Variants in ARHGAP8 observed in about 807,000 individuals in gnomAD.
ARHGAP8 encodes rho GTPase-activating protein 8.
In ARHGAP8, 62 loss-of-function variants were observed where a neutral mutation model predicts 46.1. The ratio of observed to expected loss-of-function variants is 1.34; its 90% confidence interval spans 1.10 to 1.66. The LOEUF (loss-of-function observed/expected upper bound fraction) is 1.66. ARHGAP8 is among the 40% of genes most tolerant of loss of function. The pLI is 0.00. For synonymous variants in ARHGAP8, 375 were observed against 243.1 expected, an observed-to-expected ratio of 1.54 and a Z score of -5.05; for missense variants, 923 against 568.4, an observed-to-expected ratio of 1.62 and a Z score of -6.34.
intron 10 of ARHGAP8, among the ~76,000 whole-genome samples, chr22:44,858,807 A>C (rs2070325398): frequency 6.6e-6 from 1 of 150,928 alleles, no homozygotes; most frequent in Non-Finnish European, 1.5e-5. Flanking sequence ...AAGAGCAACA[A>C]AGTGTGGGCG....
chr22:44,829,157 G>A (rs1277026119), intron 7 of ARHGAP8, among the ~76,000 whole-genome samples: 1 of 145,016 alleles, frequency 6.9e-6, no homozygotes, highest in African/African-American at 2.5e-5. Flanking sequence ...TGGGCATGGT[G>A]TCACACACCT....
intron 7 of ARHGAP8, among the ~76,000 whole-genome samples, chr22:44,831,949 T>G (rs1456147464): frequency 1.3e-5 from 2 of 152,202 alleles, no homozygotes; most frequent in Non-Finnish European, 2.9e-5. Flanking sequence ...CTGCATCTCT[T>G]TAATTTCCAT....
chr22:44,850,370 C>G (rs6006891), intron 10 of ARHGAP8: 44,134 of 151,976 alleles, frequency 0.29, 8,112 homozygotes, highest in African/African-American at 0.52. Flanking sequence ...CATAGAGGTA[C>G]CTATCTGGTG....
intron 2 of ARHGAP8, among the ~76,000 whole-genome samples, chr22:44,793,546 C>T (rs2147062994): frequency 6.6e-6 from 1 of 152,314 alleles, no homozygotes; most frequent in East Asian, 1.9e-4. Flanking sequence ...AAAACCATAG[C>T]AAACTTGCGA....
intron 7 of ARHGAP8, among the ~76,000 whole-genome samples, chr22:44,829,712 TG>T (rs1335941269): frequency 5.3e-5 from 8 of 150,956 alleles, no homozygotes; most frequent in African/African-American, 1.9e-4. Context: ...ATATGTAATT[TG>T]TTTGGACTAT....
intron 1 of ARHGAP8, among the ~76,000 whole-genome samples, chr22:44,774,518 ATTT>A (rs132473): frequency 4.2e-5 from 5 of 119,490 alleles, no homozygotes; most frequent in Non-Finnish European, 6.9e-5. Context: ...TCTTTGGGAG[ATTT>A]TTTTTTTTTT....
Position 44,862,641 on chromosome 22 carries a change from T to C in ARHGAP8, c.*46T>C. On this transcript the variant is annotated 3_prime_UTR_variant, in exon 12 of 12. Transcript: ENST00000356099. ...TTTCGAGCTACCTCCCACACCTGTC[T>C]GTGCACTTGTATGTTTTGTAAACTT... 1 of 1,511,328 alleles carries C rather than the reference T, an allele frequency of 6.6e-7. No individual in the cohort carries two copies. The highest frequency in any genetic ancestry group is 8.9e-7 in the Non-Finnish European group (1 of 1,127,866). The allele number at this position is 1,511,328 out of a possible 1,614,324, so 93.6% of individuals were successfully genotyped here.
chr22:44,857,838 T>C (rs73176182), intron 10 of ARHGAP8, among the ~76,000 whole-genome samples: 23,507 of 152,088 alleles, frequency 0.15, 2,348 homozygotes, highest in African/African-American at 0.29. Context: ...GTGGTTGAAA[T>C]GCTTGACCTC....
At chr22:44,766,666 G>A (rs983902037) in intron 1 of ARHGAP8, among the ~76,000 whole-genome samples, 11 of 152,140 alleles carry the variant, frequency 7.2e-5, no homozygotes, top group Admixed American at 3.3e-4. Context: ...GGACCCTTCC[G>A]GGGGCTCTCT....
At chr22:44,846,073 C>G (rs528178821) in intron 8 of ARHGAP8, among the ~76,000 whole-genome samples, 3 of 152,266 alleles carry the variant, frequency 2.0e-5, no homozygotes, top group Admixed American at 6.5e-5. Flanking sequence ...GAGCTCGGCT[C>G]AACAGTTGCT....
rs1288022137 is a variant in ARHGAP8, at chr22:44,814,667, C to T, written c.300-5C>T. ...CCTGAAGTCATCCCCCGTTTCCCTC[C>T]TCAGGTACAAGAAGAACTTGAAGGC... On this transcript the variant is annotated splice_region_variant and splice_polypyrimidine_tract_variant and intron_variant, in intron 4 of 11. Coordinates refer to ENST00000356099, the MANE Select transcript of ARHGAP8 (RefSeq NM_181335.3). 1.2e-6 allele frequency: 2 copies of T among 1,613,476 alleles called. No individual in the cohort carries two copies.
chr22:44,764,823 C>G (rs1925428032), intron 1 of ARHGAP8, among the ~76,000 whole-genome samples: 1 of 152,210 alleles, frequency 6.6e-6, no homozygotes, highest in Admixed American at 6.5e-5. Flanking sequence ...CATTACGTGT[C>G]CCTGCGAGAG....
chr22:44,857,138 G>A (rs2070248661), intron 10 of ARHGAP8, among the ~76,000 whole-genome samples: 1 of 124,376 alleles, frequency 8.0e-6, no homozygotes, highest in Admixed American at 7.3e-5. Flanking sequence ...TGGGGTTTCT[G>A]CATGTTGGTC....
At chr22:44,861,560 T>G (rs1386429459) in intron 11 of ARHGAP8, among the ~76,000 whole-genome samples, 3 of 152,158 alleles carry the variant, frequency 2.0e-5, no homozygotes, top group Non-Finnish European at 4.4e-5. Flanking sequence ...CCTCCAGTTC[T>G]CTGCTCTGCC....
At chr22:44,787,031 A>AAAAAAAC (rs201093374) in intron 2 of ARHGAP8, among the ~76,000 whole-genome samples, 950 of 70,832 alleles carry the variant, frequency 0.013, 19 homozygotes, top group Non-Finnish European at 0.024. Context: ...CCCTGTCTCA[A>AAAAAAAC]AAAAACAAAA....
intron 8 of ARHGAP8, among the ~76,000 whole-genome samples, chr22:44,845,630 G>T (rs2069935301): frequency 6.6e-6 from 1 of 152,200 alleles, no homozygotes; most frequent in Non-Finnish European, 1.5e-5. Context: ...TTGTAGGATT[G>T]TTGTAACCCC....
chr22:44,855,616 T>C lies in ARHGAP8; in HGVS notation c.878-4115T>C, dbSNP rs1013117719. Among the ~76,000 whole-genome samples the C allele has an allele frequency of 5.9e-5, 9 of 152,250 alleles. No individual in the cohort carries two copies. In the East Asian group the frequency reaches 1.7e-3, roughly 29 times the overall value. ...TCCAAATAGTCCTTTTAACCTTGTT[T>C]TTTGTTTTGTTTTGTTTTGTTGTTT... On this transcript the variant is annotated intron_variant, in intron 10 of 11. Transcript: ENST00000356099.
intron 7 of ARHGAP8, among the ~76,000 whole-genome samples, chr22:44,838,081 C>G (rs948176655): frequency 6.6e-6 from 1 of 152,066 alleles, no homozygotes; most frequent in African/African-American, 2.4e-5. Flanking sequence ...TCAAATGATT[C>G]TTCTGCCTCA....
At chr22:44,788,074 A>C (rs9808868) in intron 2 of ARHGAP8, among the ~76,000 whole-genome samples, 59,684 of 148,182 alleles carry the variant, frequency 0.4, 12,619 homozygotes, top group East Asian at 0.55. Context: ...TAATTTATAT[A>C]GTGTTTAAAA....
Sources: allele counts gnomAD v4.1 joint callset (sites outside exome capture counted in the v4.1 genomes callset), GRCh38; gene constraint gnomAD v4.1.1; transcripts MANE v1.5; gene names NCBI Gene and HGNC (gene_info 2026-07-23, HGNC 2026-07-21).